Variants in JAKMIP2 observed in about 807,000 individuals in gnomAD.
The protein encoded by JAKMIP2 is janus kinase and microtubule-interacting protein 2.
A neutral mutation model predicts 115.0 loss-of-function variants in JAKMIP2; 25 were observed. The ratio of observed to expected loss-of-function variants is 0.22; its 90% CI spans 0.16 to 0.30. The LOEUF (loss-of-function observed/expected upper bound fraction) is 0.30. Ranked by LOEUF, JAKMIP2 falls within the 10% of genes least tolerant of loss-of-function variation. JAKMIP2 has a pLI of 1.00. For synonymous variants in JAKMIP2, 334 were observed against 343.6 expected (o/e 0.97, Z 0.31); for missense variants, 642 against 957.6 (o/e 0.67, Z 4.35).
chr5:147,661,830 T>G (rs1396096852), intron 2 of JAKMIP2: 1 of 188,690 alleles, frequency 5.3e-6, no homozygotes, highest in African/African-American at 2.4e-5. Context: ...GGTATACGCC[T>G]TAAAATTAGA....
chr5:147,747,480 T>C (rs779188697), intron 1 of JAKMIP2, among the ~76,000 whole-genome samples: 1 of 152,032 alleles, frequency 6.6e-6, no homozygotes, highest in Non-Finnish European at 1.5e-5. Flanking sequence ...TATAGCTAAA[T>C]AGAAAGAAGC....
intron 16 of JAKMIP2, 65 bp downstream of exon 16, chr5:147,628,686 T>C: frequency 2.5e-6 from 3 of 1,203,548 alleles, no homozygotes; most frequent in Admixed American, 3.5e-5. Context: ...CTTCACACCC[T>C]AGTCTGCTCG....
chr5:147,771,325 T>C lies in JAKMIP2; in HGVS notation c.-149+11131A>G, dbSNP rs10077733. 7.6e-3 allele frequency among the ~76,000 whole-genome samples: 1,150 copies of C among 152,144 alleles called. 9 individuals are homozygous for C. Among genetic ancestry groups the C allele is most frequent in the African/African-American group, 0.026 (1,063 of 41,536 alleles). ...AATTATGAATAAAATAAGAATAGAA[T>C]CACTTTTTTCAAAGTGTGATGGTAA... On this transcript the variant is annotated intron_variant, in intron 1 of 21. Transcript: ENST00000616793.
chr5:147,652,817 C>T (rs1414608835), intron 3 of JAKMIP2, among the ~76,000 whole-genome samples: 1 of 151,874 alleles, frequency 6.6e-6, no homozygotes, highest in African/African-American at 2.4e-5. Flanking sequence ...GGTTTTAAGC[C>T]CCGCATGCAT....
intron 1 of JAKMIP2, among the ~76,000 whole-genome samples, chr5:147,764,499 T>A (rs1187595935): frequency 1.6e-5 from 1 of 61,194 alleles, no homozygotes. Flanking sequence ...CGGGGTGGGG[T>A]GGGATGCTGG....
intron 5 of JAKMIP2, 148 bp downstream of exon 5, chr5:147,648,228 G>T (rs1758222911): frequency 1.9e-6 from 1 of 525,824 alleles, no homozygotes; most frequent in African/African-American, 2.0e-5. Context: ...GTGGTTTTTT[G>T]AGTGTGCCAC....
chr5:147,782,693 T>C lies in JAKMIP2; in HGVS notation c.-386A>G, dbSNP rs912012166. ...GCAGCAGCAGCAGCAGCATCACCAGTTGGGCCTCCTCCCTCTCGGAGGATG... is the reference window on the plus strand; with the variant it reads ...GCAGCAGCAGCAGCAGCATCACCAGCTGGGCCTCCTCCCTCTCGGAGGATG... On this transcript the variant is annotated 5_prime_UTR_variant, in exon 1 of 22. Coordinates refer to ENST00000616793, the MANE Select transcript of JAKMIP2 (RefSeq NM_001270941.2). The C allele has an allele frequency of 4.2e-5, 26 of 614,708 alleles. No homozygotes were observed. Among genetic ancestry groups the C allele is most frequent in the African/African-American group, 4.2e-4 (22 of 52,522 alleles). The allele number at this position is 614,708 out of a possible 1,614,324, so 38.1% of individuals were successfully genotyped here.
chr5:147,657,913 A>C (rs964545661), intron 3 of JAKMIP2, among the ~76,000 whole-genome samples: 1 of 151,914 alleles, frequency 6.6e-6, no homozygotes, highest in Non-Finnish European at 1.5e-5. Flanking sequence ...GTAACCTTTT[A>C]TCAAGGTTCT....
chr5:147,604,052 G>C (rs987538954), intron 20 of JAKMIP2, among the ~76,000 whole-genome samples: 1 of 151,972 alleles, frequency 6.6e-6, no homozygotes, highest in Non-Finnish European at 1.5e-5. Context: ...CAGAGAGAGA[G>C]AGCTAAGAGC....
chr5:147,680,888 G>A (rs1760225691), intron 1 of JAKMIP2, among the ~76,000 whole-genome samples: 1 of 152,148 alleles, frequency 6.6e-6, no homozygotes, highest in African/African-American at 2.4e-5. Flanking sequence ...TCCATTACAT[G>A]TCAGTTAGAG....
chr5:147,628,637 A>G (rs1757219747), intron 16 of JAKMIP2, 114 bp downstream of exon 16: 1 of 684,864 alleles, frequency 1.5e-6, no homozygotes, highest in African/African-American at 1.8e-5. Flanking sequence ...TAAAATGTGT[A>G]TTAGGTATTC....
intron 1 of JAKMIP2, among the ~76,000 whole-genome samples, chr5:147,743,199 C>T (rs567501403): frequency 1.3e-5 from 2 of 152,184 alleles, no homozygotes; most frequent in Admixed American, 6.5e-5. Flanking sequence ...GCAGGAGGTG[C>T]GACAGGCTTC....
chr5:147,722,534 A>C (rs1229547209), intron 1 of JAKMIP2, among the ~76,000 whole-genome samples: 1 of 151,912 alleles, frequency 6.6e-6, no homozygotes, highest in Non-Finnish European at 1.5e-5. Context: ...GCTATAATTT[A>C]TTTATATTTT....
intron 1 of JAKMIP2, among the ~76,000 whole-genome samples, chr5:147,691,170 A>G (rs927536476): frequency 2.0e-5 from 3 of 152,208 alleles, no homozygotes. Flanking sequence ...ATTGCATAAG[A>G]TTGTATATGA....
At chr5:147,734,462 T>C (rs1272675728) in intron 1 of JAKMIP2, among the ~76,000 whole-genome samples, 1 of 114,478 alleles carries the variant, frequency 8.7e-6, no homozygotes, top group Non-Finnish European at 1.6e-5. Flanking sequence ...TGAGAACATA[T>C]GGACAGAGGG....
intron 1 of JAKMIP2, among the ~76,000 whole-genome samples, chr5:147,764,920 A>AAGAGAG (rs531656100): frequency 1.0e-4 from 4 of 39,492 alleles, no homozygotes; most frequent in African/African-American, 5.6e-4. Context: ...GAAAGAAAGA[A>AAGAGAG]AGAGAGAGAG....
intron 1 of JAKMIP2, among the ~76,000 whole-genome samples, chr5:147,754,084 A>G (rs1646788263): frequency 2.6e-5 from 4 of 152,128 alleles, no homozygotes; most frequent in Admixed American, 2.6e-4. Context: ...TAAAGATTCA[A>G]TTCTTGTTAC....
rs12654501 is a variant in JAKMIP2 at position 147,607,226 on chromosome 5, A to G, written c.2412+5080T>C. Among the ~76,000 whole-genome samples the G allele has an allele frequency of 6.4e-3, 980 of 152,280 alleles. 51 individuals are homozygous for G. The East Asian group carries it at 0.13, about 20-fold the overall frequency. On this transcript the variant is annotated intron_variant, in intron 20 of 21. Transcript: ENST00000616793. ...CAATACTATGTTGAATAGGAGTGGT[A>G]AGAGACAGCATCCTTGTTTTGTGCC...
chr5:147,667,078 G>C (rs1759337638), intron 2 of JAKMIP2, among the ~76,000 whole-genome samples: 1 of 152,110 alleles, frequency 6.6e-6, no homozygotes. Context: ...AGATAAAGCT[G>C]AGTTTCTTCA....
Sources: allele counts gnomAD v4.1 joint callset (sites outside exome capture counted in the v4.1 genomes callset), GRCh38; gene constraint gnomAD v4.1.1; transcripts MANE v1.5; gene names NCBI Gene and HGNC (gene_info 2026-07-23, HGNC 2026-07-21).